The following SRP68 variants were observed in gnomAD, a reference collection of about 807,000 sequenced individuals.
SRP68 encodes signal recognition particle 68.
A neutral mutation model predicts 82.2 loss-of-function variants in SRP68; 15 were observed. The ratio of observed to expected loss-of-function variants is 0.18; its 90% CI spans 0.12 to 0.28. SRP68 has a LOEUF of 0.28. Ranked by LOEUF, SRP68 falls within the 10% of genes least tolerant of loss-of-function variation. The pLI, the probability that SRP68 is intolerant of heterozygous loss-of-function variation, is 1.00. For synonymous variants in SRP68, 261 were observed against 292.6 expected, an observed-to-expected ratio of 0.89 and a Z score of 1.10; for missense variants, 595 against 780.5, an observed-to-expected ratio of 0.76 and a Z score of 2.83.
In SRP68 at chr17:76,070,362, T is replaced by C; in HGVS notation, c.251+16A>G. 6.2e-7 allele frequency: 1 copy of C among 1,608,804 alleles called. No homozygotes were observed. The highest frequency in any genetic ancestry group is 8.5e-7 in the Non-Finnish European group (1 of 1,175,200). ...GTCCCACAATGATTTCCAAACATCT[T>C]GTATGTGATACTAACCTGTACCTCT... On this transcript the variant is annotated intron_variant, in intron 2 of 15. Transcript: ENST00000307877.
chr17:76,042,625 C>A (rs1049221427), intron 13 of SRP68, among the ~76,000 whole-genome samples: 4 of 152,076 alleles, frequency 2.6e-5, no homozygotes, highest in African/African-American at 9.6e-5. Flanking sequence ...TGCTCTGTCA[C>A]TCAGGCTGGA....
intron 7 of SRP68, among the ~76,000 whole-genome samples, chr17:76,058,543 A>C (rs2066728446): frequency 6.6e-6 from 1 of 152,110 alleles, no homozygotes; most frequent in African/African-American, 2.4e-5. Context: ...ACAGGTGTGA[A>C]CCACCCTGCT....
In SRP68 at chr17:76,061,497, T is replaced by A. The variant is rs781721284; in HGVS notation, c.639A>T (p.Lys213Asn). 1 of 1,613,642 alleles carries A rather than the reference T, an allele frequency of 6.2e-7. No individual in the cohort carries two copies. Among genetic ancestry groups the A allele is most frequent in the Non-Finnish European group, 8.5e-7 (1 of 1,179,878 alleles). ...CTTTGGACTATAGGACTTACTTGCA[T>A]TTGTTAAAAGCCTCAATGGCAGCTT... ...EWKAAIEAFN[K>N]CKTIYEKLAS... The change falls in exon 5 of 16, where the codon AAA (lysine) becomes AAT (asparagine). Residue 213 changes from lysine to asparagine, a missense_variant. Transcript: ENST00000307877.
At chr17:76,044,100 G>C (rs530425726) in intron 12 of SRP68, 142 bp from the exon 13 acceptor site, 108 of 908,050 alleles carry the variant, frequency 1.2e-4, no homozygotes, top group Non-Finnish European at 1.6e-4. Context: ...CCCTTCATGG[G>C]AAGTGTTCAG....
intron 15 of SRP68, among the ~76,000 whole-genome samples, 169 bp downstream of exon 15, chr17:76,040,250 C>G (rs1359111752): frequency 6.6e-6 from 1 of 152,198 alleles, no homozygotes; most frequent in Non-Finnish European, 1.5e-5. Context: ...CAGGGATGAT[C>G]TGACATCTAG....
chr17:76,058,700 T>C (rs998566405), intron 7 of SRP68, among the ~76,000 whole-genome samples: 18 of 152,234 alleles, frequency 1.2e-4, no homozygotes, highest in African/African-American at 3.4e-4. Context: ...CATATCTGTA[T>C]ACGCTACAAG....
chr17:76,060,169 A>G, intron 7 of SRP68, 139 bp downstream of exon 7: 3 of 411,178 alleles, frequency 7.3e-6, no homozygotes, highest in Non-Finnish European at 8.3e-6. Context: ...TTTTTGTTCA[A>G]ACTTTTAGCA....
At chr17:76,067,167 T>A in intron 3 of SRP68, 50 bp downstream of exon 3, 1 of 1,337,938 alleles carries the variant, frequency 7.5e-7, no homozygotes, top group Non-Finnish European at 1.1e-6. Context: ...CATTGTTCAA[T>A]AAATGTATTA....
At chr17:76,045,916 T>A in intron 11 of SRP68, 122 bp downstream of exon 11, 1 of 1,224,650 alleles carries the variant, frequency 8.2e-7, no homozygotes, top group South Asian at 1.3e-5. Flanking sequence ...CTTTGTCTCT[T>A]CCCAGCTACT....
intron 15 of SRP68, 22 bp from the exon 16 acceptor site, chr17:76,039,955 C>A (rs200470673): frequency 1.0e-4 from 162 of 1,611,314 alleles, no homozygotes; most frequent in Admixed American, 8.4e-4. Flanking sequence ...ATCAAAGAGA[C>A]GTATGTAGCA....
chr17:76,039,404 C>T lies in SRP68; in HGVS notation c.*302G>A. The T allele has an allele frequency of 1.8e-6, 1 of 567,494 alleles. No individual in the cohort carries two copies. The highest frequency in any genetic ancestry group is 1.5e-5 in the South Asian group (1 of 65,494). 35.2% of individuals were successfully genotyped at this position (567,494 alleles called of 1,614,324 possible). On this transcript the variant is annotated 3_prime_UTR_variant, in exon 16 of 16. Transcript: ENST00000307877. ...TGTGCCTGGTGTGGACTCCTGAACG[C>T]ATTACTGACCAAAGGCAATCAATCA...
intron 13 of SRP68, 106 bp downstream of exon 13, chr17:76,043,723 G>A (rs1389189889): frequency 3.1e-5 from 40 of 1,294,130 alleles, no homozygotes; most frequent in Non-Finnish European, 3.9e-5. Context: ...GGCAGCCAGG[G>A]AGGACCAGCC....
intron 8 of SRP68, among the ~76,000 whole-genome samples, chr17:76,050,960 C>T (rs563599596): frequency 6.6e-6 from 1 of 152,148 alleles, no homozygotes; most frequent in Admixed American, 6.5e-5. Flanking sequence ...CCTTCCAGAA[C>T]AAACTTGTCA....
intron 12 of SRP68, among the ~76,000 whole-genome samples, chr17:76,044,351 A>G (rs1298841676): frequency 6.6e-6 from 1 of 152,196 alleles, no homozygotes; most frequent in African/African-American, 2.4e-5. Flanking sequence ...GCTTTCCAAA[A>G]ACAAAACTCA....
At chr17:76,061,275 G>C in intron 5 of SRP68, 56 bp from the exon 6 acceptor site, 1 of 1,260,852 alleles carries the variant, frequency 7.9e-7, no homozygotes, top group Non-Finnish European at 1.1e-6. Flanking sequence ...AAAACTCATG[G>C]GGAACACAGT....
rs1169736079 is a variant in SRP68, at chr17:76,072,156, C to T, written c.184+152G>A. On this transcript the variant is annotated intron_variant, in intron 1 of 15. Transcript: ENST00000307877. The surrounding 1 kb of genome is among the most constrained non-coding windows in gnomAD (Gnocchi z 4.5). ...GACTAGTCGAGAGACAGACCCCCCCCGGAATTCTGAGCACCAAAAGGTAAG... is the reference window on the plus strand; with the variant it reads ...GACTAGTCGAGAGACAGACCCCCCCTGGAATTCTGAGCACCAAAAGGTAAG... The T allele has an allele frequency of 6.9e-7, 1 of 1,450,642 alleles. No homozygotes were observed. The highest frequency in any genetic ancestry group is 9.3e-7 in the Non-Finnish European group (1 of 1,080,916). 89.9% of individuals were successfully genotyped at this position (1,450,642 alleles called of 1,614,324 possible).
chr17:76,048,118 C>T (rs2066645122), intron 9 of SRP68, 148 bp from the exon 10 acceptor site: 3 of 389,300 alleles, frequency 7.7e-6, no homozygotes, highest in Non-Finnish European at 1.4e-5. Flanking sequence ...AAGATCTATA[C>T]TTGACATAAT....
At chr17:76,040,626 G>A (rs1567924659) in intron 14 of SRP68, 152 bp from the exon 15 acceptor site, 1 of 774,492 alleles carries the variant, frequency 1.3e-6, no homozygotes, top group Non-Finnish European at 2.2e-6. Context: ...GAGAAGTGGT[G>A]GAGATAAACA....
chr17:76,042,091 G>A (rs905129956), intron 13 of SRP68, among the ~76,000 whole-genome samples: 2 of 151,742 alleles, frequency 1.3e-5, no homozygotes, highest in Non-Finnish European at 2.9e-5. Flanking sequence ...TCACTATGTT[G>A]GCCAGGATGG....
Sources: allele counts gnomAD v4.1 joint callset (sites outside exome capture counted in the v4.1 genomes callset), GRCh38; gene constraint gnomAD v4.1.1; non-coding constraint Gnocchi (gnomAD v3.1); transcripts MANE v1.5; gene names NCBI Gene and HGNC (gene_info 2026-07-23, HGNC 2026-07-21).